TM9SF2: variants seen among roughly 807,000 people sequenced by gnomAD.
TM9SF2 encodes the protein transmembrane 9 superfamily member 2.
A neutral mutation model predicts 84.9 loss-of-function variants in TM9SF2; 13 were observed. The observed-to-expected ratio is 0.15, with a 90% CI of 0.10 to 0.24. TM9SF2 has a LOEUF of 0.24. TM9SF2 is among the 10% of genes least tolerant of loss of function. The pLI is 1.00. For missense variants in TM9SF2, 562 were observed against 818.5 expected, an observed-to-expected ratio of 0.69 and a Z score of 3.82; for synonymous variants, 273 against 285.8, an observed-to-expected ratio of 0.96 and a Z score of 0.45.
intron 4 of TM9SF2, among the ~76,000 whole-genome samples, chr13:99,532,240 C>T (rs1437872234): frequency 1.3e-5 from 2 of 151,424 alleles, no homozygotes; most frequent in Non-Finnish European, 2.9e-5. Context: ...TTAGTAGAGA[C>T]GGGGTTTCAC....
chr13:99,530,451 A>G (rs957070915), intron 4 of TM9SF2, among the ~76,000 whole-genome samples: 3 of 152,256 alleles, frequency 2.0e-5, no homozygotes, highest in African/African-American at 7.2e-5. Flanking sequence ...AAAGAATGGC[A>G]CTGATAGATT....
chr13:99,536,751 A>T lies in TM9SF2; in HGVS notation c.591+14A>T. On this transcript the variant is annotated intron_variant, in intron 5 of 16. Coordinates refer to ENST00000376387, the MANE Select transcript of TM9SF2 (RefSeq NM_004800.3). ...TGTGTTATTAGTGTAAGTTCATGAT[A>T]AACTCTTTGCTGCTTTTTAAAACAT... 1 of 1,611,254 alleles carries T rather than the reference A, an allele frequency of 6.2e-7. No homozygotes were observed.
Position 99,554,396 on chromosome 13 carries a change from A to G in TM9SF2, c.1581A>G (p.Gly527=). ...AGCCCTTGCCTGGTATTATCATGGGAGGGATTTTGCCCTTTGGCTGCATCT... is the reference window on the plus strand; with the variant it reads ...AGCCCTTGCCTGGTATTATCATGGGGGGGATTTTGCCCTTTGGCTGCATCT... ...YTKPLPGIIM[G]GILPFGCIFI... Residue 527 remains glycine, a synonymous_variant, in exon 14 of 17, where the codon GGA becomes GGG. Coordinates refer to ENST00000376387, the MANE Select transcript of TM9SF2 (RefSeq NM_004800.3). 6.2e-7 allele frequency: 1 copy of G among 1,614,146 alleles called. No homozygotes were observed. The highest frequency in any genetic ancestry group is 8.5e-7 in the Non-Finnish European group (1 of 1,180,000).
chr13:99,514,054 A>G (rs895018181), intron 1 of TM9SF2, among the ~76,000 whole-genome samples: 4 of 152,254 alleles, frequency 2.6e-5, no homozygotes, highest in Non-Finnish European at 5.9e-5. Context: ...AACACTGTAT[A>G]CAGTCATGAA....
At position 99,559,377 on chromosome 13, in the gene TM9SF2, A is replaced by G. The variant is rs761625677; in HGVS notation, c.1767A>G (p.Gln589=). 9 of 1,592,408 alleles carry G rather than the reference A, an allele frequency of 5.7e-6. No individual in the cohort carries two copies. In the Middle Eastern group the frequency reaches 6.7e-4, roughly 119 times the overall value. ...FHLCAEDYHW[Q]WRSFLTSGFT... Reference sequence around the variant, plus strand: ...TTACTACCTAGGATTATCATTGGCAATGGCGTTCATTCCTTACGAGTGGCT... The same window carrying G: ...TTACTACCTAGGATTATCATTGGCAGTGGCGTTCATTCCTTACGAGTGGCT... The change falls in exon 16 of 17, where the codon CAA becomes CAG. Residue 589 remains glutamine, a synonymous_variant. Coordinates refer to ENST00000376387, the MANE Select transcript of TM9SF2 (RefSeq NM_004800.3).
Position 99,555,665 on chromosome 13 carries a change from T to A in TM9SF2, c.1752+18T>A, listed in dbSNP as rs779552088. The A allele has an allele frequency of 1.9e-6, 3 of 1,542,586 alleles. No individual in the cohort carries two copies. In the African/African-American group the frequency reaches 4.1e-5, roughly 21 times the overall value. ...GTGCAGAGGTATGTATTAGCAGTATTCACTTATGTTAATTTGTAGACAGTA... is the reference window on the plus strand; with the variant it reads ...GTGCAGAGGTATGTATTAGCAGTATACACTTATGTTAATTTGTAGACAGTA... On this transcript the variant is annotated intron_variant, in intron 15 of 16. Transcript: ENST00000376387.
intron 3 of TM9SF2, among the ~76,000 whole-genome samples, chr13:99,525,740 A>G (rs1234905318): frequency 2.0e-5 from 3 of 151,558 alleles, no homozygotes; most frequent in Non-Finnish European, 4.4e-5. Flanking sequence ...TATTTTTAGT[A>G]GAGATGGGGT....
intron 12 of TM9SF2, among the ~76,000 whole-genome samples, chr13:99,550,704 A>G (rs1437520501): frequency 6.6e-6 from 1 of 152,160 alleles, no homozygotes; most frequent in African/African-American, 2.4e-5. Context: ...ATAAATAAAC[A>G]CCTGCATATA....
rs897710222 is a variant in TM9SF2, at chr13:99,543,788, C to T, written c.1018-75C>T. The T allele has an allele frequency of 2.6e-6, 4 of 1,523,146 alleles. No individual in the cohort carries two copies. The African/African-American group carries it at 5.6e-5, about 21-fold the overall frequency. 94.4% of individuals were successfully genotyped at this position (1,523,146 alleles called of 1,614,324 possible). A position where few individuals can be genotyped will look rare whatever the true frequency, so the allele number is the denominator to read the frequency against. ...AACCTGTTTTCTGTAACAGCATATT[C>T]AACAGTGAACAAACTGTCTATAGTT... On this transcript the variant is annotated intron_variant, in intron 9 of 16. Coordinates refer to ENST00000376387, the MANE Select transcript of TM9SF2 (RefSeq NM_004800.3).
intron 16 of TM9SF2, among the ~76,000 whole-genome samples, chr13:99,561,182 C>G (rs1341364380): frequency 6.6e-6 from 1 of 152,084 alleles, no homozygotes; most frequent in Non-Finnish European, 1.5e-5. Context: ...AATGCCTTAC[C>G]TTTCTCTAAA....
At chr13:99,518,628 G>A (rs908686356) in intron 2 of TM9SF2, among the ~76,000 whole-genome samples, 9 of 152,064 alleles carry the variant, frequency 5.9e-5, no homozygotes, top group Admixed American at 2.0e-4. Flanking sequence ...ACAAGGTCTT[G>A]CTCTGTTGCC....
At chr13:99,513,891 G>C (rs545981400) in intron 1 of TM9SF2, among the ~76,000 whole-genome samples, 17 of 137,230 alleles carry the variant, frequency 1.2e-4, no homozygotes, top group African/African-American at 2.5e-4. Flanking sequence ...CAGTGGCAGA[G>C]ACCCAATGTC....
At chr13:99,552,755 C>G (rs771714401) in intron 13 of TM9SF2, among the ~76,000 whole-genome samples, 2 of 152,174 alleles carry the variant, frequency 1.3e-5, no homozygotes, top group Non-Finnish European at 2.9e-5. Context: ...AGGCATGTGC[C>G]ACCACACCCA....
intron 8 of TM9SF2, 60 bp downstream of exon 8, chr13:99,540,853 A>G: frequency 4.3e-6 from 6 of 1,411,644 alleles, no homozygotes; most frequent in Non-Finnish European, 6.0e-6. Flanking sequence ...GTCCCTTTGA[A>G]CATCTCATTT....
chr13:99,546,967 T>C lies in TM9SF2; in HGVS notation c.1151-18T>C, dbSNP rs756657950. 1.9e-6 allele frequency: 3 copies of C among 1,614,116 alleles called. No individual in the cohort carries two copies. The South Asian group carries it at 3.3e-5, about 18-fold the overall frequency. On this transcript the variant is annotated intron_variant, in intron 10 of 16. Transcript: ENST00000376387. ...ACAGAGTAATAACATGTACAGCCTTTCACGATTTGTGTTTTAGTTTTCGCT... is the reference window on the plus strand; with the variant it reads ...ACAGAGTAATAACATGTACAGCCTTCCACGATTTGTGTTTTAGTTTTCGCT...
chr13:99,540,096 G>GA (rs1175742067), intron 7 of TM9SF2, among the ~76,000 whole-genome samples: 4 of 152,148 alleles, frequency 2.6e-5, no homozygotes, highest in Non-Finnish European at 2.9e-5. Flanking sequence ...CCGATTGGGA[G>GA]ATTGTCTTAG....
At chr13:99,541,005 T>G (rs188411746) in intron 8 of TM9SF2, among the ~76,000 whole-genome samples, 19 of 152,352 alleles carry the variant, frequency 1.2e-4, no homozygotes, top group African/African-American at 3.6e-4. Context: ...CTTATGGGAT[T>G]GTTGTGAGGA....
chr13:99,559,587 A>G, intron 16 of TM9SF2, 53 bp downstream of exon 16: 1 of 1,471,972 alleles, frequency 6.8e-7, no homozygotes. Flanking sequence ...TTAGACAAAT[A>G]ACTTATAAAT....
intron 4 of TM9SF2, among the ~76,000 whole-genome samples, chr13:99,534,715 T>C (rs2046226126): frequency 6.6e-6 from 1 of 152,224 alleles, no homozygotes; most frequent in African/African-American, 2.4e-5. Context: ...TGATAAAAAG[T>C]TGGGAGTCAT....
Sources: allele counts gnomAD v4.1 joint callset (sites outside exome capture counted in the v4.1 genomes callset), GRCh38; gene constraint gnomAD v4.1.1; transcripts MANE v1.5; gene names NCBI Gene and HGNC (gene_info 2026-07-23, HGNC 2026-07-21).